The following GPRC5D variants were observed in gnomAD, a reference collection of about 807,000 sequenced individuals.
GPRC5D encodes the protein G protein-coupled receptor family C group 5 member D.
GPRC5D carries 20 observed loss-of-function variants against 29.3 expected under a neutral mutation model. The ratio of observed to expected loss-of-function variants is 0.68; its 90% confidence interval spans 0.48 to 0.99. The LOEUF (loss-of-function observed/expected upper bound fraction) is 0.99, where lower values mean the gene tolerates loss of function less well. GPRC5D is among the 50% of genes least tolerant of loss of function. GPRC5D has a pLI of 0.00. For missense variants in GPRC5D, 384 were observed against 423.6 expected, an observed-to-expected ratio of 0.91 and a Z score of 0.82; for synonymous variants, 178 against 171.3, an observed-to-expected ratio of 1.04 and a Z score of -0.30.
rs1465206136 is a variant in GPRC5D at position 12,942,254 on chromosome 12, C to T, written c.963+7G>A. 6.3e-7 allele frequency: 1 copy of T among 1,578,216 alleles called. No individual in the cohort carries two copies. The highest frequency in any genetic ancestry group is 1.7e-5 in the Admixed American group (1 of 59,968). ...CCTCCTGGGTGAATATAGGCGAGTACATTTACCTGCGGCTGAATGGGAGTA... is the reference window on the plus strand; with the variant it reads ...CCTCCTGGGTGAATATAGGCGAGTATATTTACCTGCGGCTGAATGGGAGTA... On this transcript the variant is annotated splice_region_variant and intron_variant, in intron 2 of 2. Coordinates refer to ENST00000228887, the Ensembl canonical transcript of GPRC5D.
At position 12,946,391 on chromosome 12, in the gene GPRC5D, T is replaced by C. The variant is rs187696688; in HGVS notation, c.895+3099A>G. Among the ~76,000 whole-genome samples, 15 of 128,722 alleles carry C rather than the reference T, an allele frequency of 1.2e-4. No individual in the cohort carries two copies. The East Asian group carries it at 3.0e-3, about 26-fold the overall frequency. The allele number at this position is 128,722 out of a possible 152,430, so 84.4% of individuals were successfully genotyped here. On this transcript the variant is annotated intron_variant, in intron 1 of 2. Coordinates refer to ENST00000228887, the Ensembl canonical transcript of GPRC5D. ...TTTTCTTTCTTTCTTTCTCTCTTTC[T>C]CTCTCTCTCTTCTTCTCTCTCTTTC... is the stretch of plus-strand genomic sequence containing the variant.
At chr12:12,942,189 A>AC in intron 2 of GPRC5D, 72 bp downstream of exon 3, 1 of 950,980 alleles carries the variant, frequency 1.1e-6, no homozygotes, top group Non-Finnish European at 1.7e-6. Context: ...ATTAGAAATG[A>AC]AGCCTGAGGC....
At chr12:12,942,228 C>T in intron 2 of GPRC5D, 33 bp downstream of exon 3, 1 of 1,390,170 alleles carries the variant, frequency 7.2e-7, no homozygotes. Flanking sequence ...CTTGCTAAGT[C>T]CCTCCTGGGT....
At chr12:12,944,845 C>CTTT (rs1565477381) in intron 1 of GPRC5D, among the ~76,000 whole-genome samples, 6 of 32,840 alleles carry the variant, frequency 1.8e-4, no homozygotes, top group African/African-American at 2.8e-4. Flanking sequence ...TTCCTTCCTT[C>CTTT]CTTCCTTCTT....
At chr12:12,945,488 CCTA>C (rs1246979001) in intron 1 of GPRC5D, among the ~76,000 whole-genome samples, 1 of 152,098 alleles carries the variant, frequency 6.6e-6, no homozygotes, top group Admixed American at 6.5e-5. Flanking sequence ...AATTAAAAGA[CCTA>C]CTGATTTTAT....
exon 1 of GPRC5D, chr12:12,950,130 A>G: frequency 6.2e-7 from 1 of 1,614,178 alleles, no homozygotes; most frequent in Non-Finnish European, 8.5e-7. Flanking sequence ...CAGTTTGTTG[A>G]TTGAGCTCGA....
chr12:12,947,873 T>C (rs988868429), intron 1 of GPRC5D, among the ~76,000 whole-genome samples: 4 of 152,330 alleles, frequency 2.6e-5, no homozygotes, highest in African/African-American at 7.2e-5. Flanking sequence ...GTATGTTCTT[T>C]ACAACACTAT....
At chr12:12,942,712 G>A (rs1863185063) in intron 1 of GPRC5D, among the ~76,000 whole-genome samples, 1 of 152,182 alleles carries the variant, frequency 6.6e-6, no homozygotes, top group South Asian at 2.1e-4. Context: ...TCCAGCCTGG[G>A]TGACACAGCG....
upstream of GPRC5D, among the ~76,000 whole-genome samples, chr12:12,951,478 G>A (rs1238101115): frequency 1.3e-5 from 2 of 152,188 alleles, no homozygotes; most frequent in Non-Finnish European, 2.9e-5. Context: ...TGTCAGTAAA[G>A]GAAATGAGAA....
In GPRC5D at chr12:12,948,543, T is replaced by G. The variant is rs890410355; in HGVS notation, c.895+947A>C. The G allele has an allele frequency of 5.8e-5, 9 of 154,482 alleles. No homozygotes were observed. The South Asian group carries it at 1.8e-3, about 31-fold the overall frequency. The allele number at this position is 154,482 out of a possible 1,614,324, so 9.6% of individuals were successfully genotyped here. A position where few individuals can be genotyped will look rare whatever the true frequency, so the allele number is the denominator to read the frequency against. ...CTGTACAATATATAAAATAACATCA[T>G]CATTACATATTAGAAATAAAATGTG... On this transcript the variant is annotated intron_variant, in intron 1 of 2. Transcript: ENST00000228887.
upstream of GPRC5D, among the ~76,000 whole-genome samples, chr12:12,951,888 G>A (rs1397919732): frequency 6.6e-6 from 1 of 152,070 alleles, no homozygotes; most frequent in African/African-American, 2.4e-5. Context: ...TGTACAAAAT[G>A]GTCCCTTTCT....
At chr12:12,947,539 T>TCCTC (rs1164740438) in intron 1 of GPRC5D, among the ~76,000 whole-genome samples, 93 of 151,492 alleles carry the variant, frequency 6.1e-4, no homozygotes, top group East Asian at 9.7e-4. Flanking sequence ...CTTCCTTCCT[T>TCCTC]CCTCCCTCCC....
intron 1 of GPRC5D, among the ~76,000 whole-genome samples, chr12:12,944,860 TC>T (rs1419795329): frequency 5.1e-5 from 5 of 97,846 alleles, no homozygotes; most frequent in Non-Finnish European, 8.4e-5. Context: ...CTTCTTTCTT[TC>T]TTTCTTTCTT....
At chr12:12,949,136 A>G (rs1407303313) in intron 1 of GPRC5D, among the ~76,000 whole-genome samples, 1 of 152,184 alleles carries the variant, frequency 6.6e-6, no homozygotes, top group East Asian at 1.9e-4. Flanking sequence ...ATTAGATATC[A>G]TGCAAAATCG....
intron 1 of GPRC5D, 40 bp downstream of exon 2, chr12:12,949,450 A>T (rs1863429651): frequency 6.6e-7 from 1 of 1,514,868 alleles, no homozygotes; most frequent in African/African-American, 1.4e-5. Flanking sequence ...CTTCTCCTGT[A>T]GGAGCACCTC....
At chr12:12,943,871 T>C (rs1176142216) in intron 1 of GPRC5D, among the ~76,000 whole-genome samples, 2 of 152,190 alleles carry the variant, frequency 1.3e-5, no homozygotes, top group Non-Finnish European at 2.9e-5. Context: ...GGCTGAGCGT[T>C]TTTTTATACT....
chr12:12,950,141 T>C, exon 1 of GPRC5D: 1 of 1,614,094 alleles, frequency 6.2e-7, no homozygotes, highest in Non-Finnish European at 8.5e-7. Flanking sequence ...TTGAGCTCGA[T>C]GATGAAGGCA....
intron 1 of GPRC5D, chr12:12,944,517 G>C (rs17819528): frequency 0.24 from 36,480 of 151,994 alleles, 4,793 homozygotes; most frequent in Middle Eastern, 0.4. Context: ...GTTCAAAAAG[G>C]GCTATGTTCA....
chr12:12,948,901 T>TAGA (rs1381319774), intron 1 of GPRC5D, among the ~76,000 whole-genome samples: 1 of 152,230 alleles, frequency 6.6e-6, no homozygotes, highest in Non-Finnish European at 1.5e-5. Flanking sequence ...ATAATGGCTC[T>TAGA]TCCTCTCGCT....
Sources: gnomAD v4.1 joint callset for allele counts (sites outside exome capture counted in the v4.1 genomes callset) on GRCh38, gnomAD v4.1.1 for gene constraint, MANE v1.5 for transcripts, NCBI Gene and HGNC (gene_info 2026-07-23, HGNC 2026-07-21) for gene names.